Variants in RBBP6 observed in about 807,000 individuals in gnomAD.
RBBP6 encodes the protein RB binding protein 6, ubiquitin ligase, also known as E3 ubiquitin-protein ligase RBBP6.
In RBBP6, 25 loss-of-function variants were observed where a neutral mutation model predicts 167.7. That is an observed-to-expected ratio of 0.15 (90% confidence interval 0.11 to 0.21). RBBP6 has a LOEUF of 0.21. RBBP6 is among the 10% of genes least tolerant of loss of function. The pLI, the probability that RBBP6 is intolerant of heterozygous loss-of-function variation, is 1.00. For synonymous variants in RBBP6, 789 were observed against 735.8 expected (o/e 1.07, Z -1.17); for missense variants, 1,868 against 2,134.2 (o/e 0.88, Z 2.46).
intron 3 of RBBP6, among the ~76,000 whole-genome samples, chr16:24,551,397 A>G (rs1454737681): frequency 6.6e-6 from 1 of 151,652 alleles, no homozygotes; most frequent in Non-Finnish European, 1.5e-5. Context: ...CTTTGTCAAC[A>G]TTTTTTGCTC....
In RBBP6 at chr16:24,568,787, A is replaced by G. The variant is rs746254537; in HGVS notation, c.2097A>G (p.Ser699=). Residue 699 remains serine (S), a synonymous_variant, in exon 17 of 18, where the codon TCA becomes TCG. Transcript: ENST00000319715. The stretch of plus-strand genomic sequence containing the variant: ...GTGGTTCTTCGTATTCAAGAAGTTC[A>G]TATACTTATTCTAAATCAAGATCTG... ...PYSGSSYSRS[S]YTYSKSRSGS... 2.2e-5 allele frequency: 36 copies of G among 1,614,084 alleles called. No homozygotes were observed. The highest frequency in any genetic ancestry group is 1.3e-5 in the African/African-American group (1 of 74,936).
chr16:24,570,570 G>A, intron 17 of RBBP6, 71 bp downstream of exon 17: 1 of 1,333,656 alleles, frequency 7.5e-7, no homozygotes, highest in African/African-American at 1.5e-5. Flanking sequence ...ATCCATGCTT[G>A]TGCTTTTTAT....
chr16:24,556,211 A>T (rs1898909357), intron 6 of RBBP6, 97 bp from the exon 7 acceptor site: 4 of 994,314 alleles, frequency 4.0e-6, no homozygotes, highest in African/African-American at 1.6e-5. Flanking sequence ...AAAGCACTAC[A>T]AGTAATATAG....
chr16:24,564,840 A>G lies in RBBP6; in HGVS notation c.1564A>G (p.Arg522Gly). Residue 522 changes from arginine to glycine, a missense_variant, in exon 14 of 18, where the codon AGA becomes GGA. Arg to Gly is a moderately radical substitution (Grantham distance 125). Coordinates refer to ENST00000319715, the MANE Select transcript of RBBP6 (RefSeq NM_006910.5). ...GYLVSPPQQI[R>G]RGERSCYRSI... ...TCTGGTTTCTCCACCACAACAAATT[A>G]GAAGAGGGGAGAGGAGCTGCTACAG... 6.2e-7 allele frequency: 1 copy of G among 1,613,240 alleles called. No individual in the cohort carries two copies. The highest frequency in any genetic ancestry group is 8.5e-7 in the Non-Finnish European group (1 of 1,179,482).
chr16:24,561,188 G>C (rs1899045626), intron 8 of RBBP6, among the ~76,000 whole-genome samples: 1 of 151,532 alleles, frequency 6.6e-6, no homozygotes, highest in Middle Eastern at 3.4e-3. Context: ...CAATATTCCA[G>C]TTACTAGCTA....
chr16:24,549,122 C>T (rs1445825714), intron 3 of RBBP6, 141 bp downstream of exon 3: 7 of 1,501,928 alleles, frequency 4.7e-6, no homozygotes, highest in East Asian at 2.5e-5. Flanking sequence ...GATGACAGCT[C>T]AGTTGAATAT....
rs1255790337 is a variant in RBBP6, at chr16:24,567,276, C to G, written c.1723C>G (p.Pro575Ala). 4 of 1,614,032 alleles carry G rather than the reference C, an allele frequency of 2.5e-6. No homozygotes were observed. The African/African-American group carries it at 5.3e-5, about 22-fold the overall frequency. Reference sequence around the variant, plus strand: ...GCCTCCTCCCCATACACTTCCTCTCCCTCCGGGTGTTCCTCCTCCACAGTT... The same window carrying G: ...GCCTCCTCCCCATACACTTCCTCTCGCTCCGGGTGTTCCTCCTCCACAGTT... ...YPPPPHTLPL[P>A]PGVPPPQFSP... Residue 575 changes from proline (P) to alanine (A), a missense_variant, in exon 15 of 18, where the codon CCT (proline) becomes GCT (alanine). By Grantham distance (27) the Pro-to-Ala change is conservative. Transcript: ENST00000319715.
intron 8 of RBBP6, 119 bp downstream of exon 8, chr16:24,559,796 G>C (rs1899003235): frequency 1.1e-6 from 1 of 903,744 alleles, no homozygotes; most frequent in East Asian, 3.1e-5. Flanking sequence ...GACAAGTGTT[G>C]ATCAATGAGC....
rs779075496 is a variant in RBBP6 at position 24,569,414 on chromosome 16, C to T, written c.2724C>T (p.His908=). ...YPEKLSARDG[H]NQKDNTKSKE... is the part of the protein sequence containing the mutation. ...AAAAGCTTTCAGCAAGAGATGGTCA[C>T]AATCAGAAGGATAATACAAAGTCAA... The change falls in exon 17 of 18, where the codon CAC becomes CAT. Residue 908 remains histidine (H), a synonymous_variant. Transcript: ENST00000319715. 9 of 1,613,778 alleles carry T rather than the reference C, an allele frequency of 5.6e-6. No individual in the cohort carries two copies. Among genetic ancestry groups the T allele is most frequent in the Admixed American group, 1.7e-5 (1 of 59,994 alleles).
Position 24,556,430 on chromosome 16 carries a change from A to G in RBBP6, c.657A>G (p.Ala219=), listed in dbSNP as rs140090623. ...TGCTTACCAACACTGGAAAATATGC[A>G]ATACCAACTATAGATGCGTAAGTAT... ...GAMLTNTGKY[A]IPTIDAEAYA... Residue 219 remains alanine, a synonymous_variant, in exon 7 of 18, where the codon GCA becomes GCG. Transcript: ENST00000319715. 38 of 1,612,578 alleles carry G rather than the reference A, an allele frequency of 2.4e-5. No homozygotes were observed. In the African/African-American group the frequency reaches 4.8e-4, roughly 20 times the overall value.
chr16:24,540,057 G>GGGGGCC lies in RBBP6; in HGVS notation c.-569_-564dup, dbSNP rs1898442784. 1 of 151,262 alleles carries GGGGGCC rather than the reference G, an allele frequency of 6.6e-6. No individual in the cohort carries two copies. Among genetic ancestry groups the GGGGGCC allele is most frequent in the Admixed American group, 6.6e-5 (1 of 15,188 alleles). 9.4% of individuals were successfully genotyped at this position (151,262 alleles called of 1,614,324 possible). Reference sequence around the variant, plus strand: ...CAGGCGCCAGGGGTTTGTGTGCGGTGGGGGCCTGGGCCTGGGCCTGGGGAA... The same window carrying GGGGGCC: ...CAGGCGCCAGGGGTTTGTGTGCGGTGGGGGCCGGGGCCTGGGCCTGGGCCTGGGGAA... On this transcript the variant is annotated 5_prime_UTR_variant, in exon 1 of 18. Coordinates refer to ENST00000319715, the MANE Select transcript of RBBP6 (RefSeq NM_006910.5).
chr16:24,543,537 C>A (rs1898558238), intron 1 of RBBP6, among the ~76,000 whole-genome samples: 1 of 152,046 alleles, frequency 6.6e-6, no homozygotes, highest in South Asian at 2.1e-4. Context: ...CAAGTGTTCT[C>A]CTGCCTTGGC....
chr16:24,561,500 G>A (rs182396282), intron 8 of RBBP6, 112 bp from the exon 9 acceptor site: 76 of 875,910 alleles, frequency 8.7e-5, no homozygotes, highest in Admixed American at 3.0e-4. Flanking sequence ...AGCACGACAT[G>A]CTTGGAAAAC....
chr16:24,567,334 C>T lies in RBBP6; in HGVS notation c.1781C>T (p.Pro594Leu). ...SPQFPPGQPP[P>L]AGYSVPPPGF... ...CAGTTTCCTCCTGGCCAGCCACCAC[C>T]CGCTGGGTATAGTGTCCCTCCTCCA... The change falls in exon 15 of 18, where the codon CCC becomes CTC. Residue 594 changes from proline to leucine, a missense_variant. Pro to Leu is a moderately conservative substitution (Grantham distance 98, BLOSUM62 -3). This residue lies in a region of RBBP6 where 145 missense variants were observed against 224.3 expected (regional missense o/e 0.65). Transcript: ENST00000319715. 1 of 1,614,068 alleles carries T rather than the reference C, an allele frequency of 6.2e-7. No homozygotes were observed. The highest frequency in any genetic ancestry group is 1.3e-5 in the African/African-American group (1 of 75,002).
intron 13 of RBBP6, among the ~76,000 whole-genome samples, chr16:24,563,961 A>G (rs1006370341): frequency 1.3e-5 from 2 of 152,136 alleles, no homozygotes; most frequent in Admixed American, 1.3e-4. Context: ...TAATGAATAG[A>G]TAAGAATTAC....
In RBBP6 at chr16:24,571,502, C is replaced by T. The variant is rs557520532; in HGVS notation, c.4436C>T (p.Thr1479Ile). 3 of 1,613,180 alleles carry T rather than the reference C, an allele frequency of 1.9e-6. No homozygotes were observed. The highest frequency in any genetic ancestry group is 1.7e-6 in the Non-Finnish European group (2 of 1,179,798). ...AGAGACAAAAAAACTGACTATGACA[C>T]CAGAGAGTATTCAAGTTCCAAACGT... ...PNRDKKTDYDTREYSSSKRRD... is the reference protein window; with the variant it reads ...PNRDKKTDYDIREYSSSKRRD... Residue 1479 changes from threonine to isoleucine, a missense_variant, in exon 18 of 18, where the codon ACC becomes ATC. Physicochemically the swap from Thr to Ile is moderately conservative, Grantham distance 89 (BLOSUM62 -1). Around this residue, in one of 7 missense-constraint regions of RBBP6, gnomAD observed 591 missense variants for 540.5 expected, o/e 1.09. Coordinates refer to ENST00000319715, the MANE Select transcript of RBBP6 (RefSeq NM_006910.5).
intron 13 of RBBP6, among the ~76,000 whole-genome samples, chr16:24,564,408 A>G (rs1240369689): frequency 2.0e-5 from 3 of 152,122 alleles, no homozygotes; most frequent in Non-Finnish European, 4.4e-5. Context: ...CCTAACATCC[A>G]TTTCCTCGTT....
chr16:24,547,946 A>G lies in RBBP6; in HGVS notation c.267-999A>G, dbSNP rs542510734. On this transcript the variant is annotated intron_variant, in intron 2 of 17. Coordinates refer to ENST00000319715, the MANE Select transcript of RBBP6 (RefSeq NM_006910.5). Reference sequence around the variant, plus strand: ...TACACAGAATTATATGTTAATGTACAATATATAGGGTTCTGTTTGTAATAA... The same window carrying G: ...TACACAGAATTATATGTTAATGTACGATATATAGGGTTCTGTTTGTAATAA... Among the ~76,000 whole-genome samples, 118 of 152,324 alleles carry G rather than the reference A, an allele frequency of 7.7e-4. No homozygotes were observed. The Middle Eastern group carries it at 0.01, about 13-fold the overall frequency.
At chr16:24,556,955 T>C (rs1413598267) in intron 7 of RBBP6, among the ~76,000 whole-genome samples, 5 of 151,842 alleles carry the variant, frequency 3.3e-5, no homozygotes, top group African/African-American at 1.2e-4. Context: ...TATAAACCAC[T>C]AGTTCAGATC....
Sources: gnomAD v4.1 joint callset for allele counts (sites outside exome capture counted in the v4.1 genomes callset) on GRCh38, gnomAD v4.1.1 for gene constraint, gnomAD v4.1.1 regional missense constraint, MANE v1.5 for transcripts, NCBI Gene and HGNC (gene_info 2026-07-23, HGNC 2026-07-21) for gene names.